The following RYR3 variants were observed in gnomAD, a reference collection of about 807,000 sequenced individuals.
RYR3 encodes brain ryanodine receptor-calcium release channel.
RYR3 carries 207 observed loss-of-function variants against 584.3 expected under a neutral mutation model. The observed-to-expected ratio is 0.35, with a 90% CI of 0.32 to 0.40. RYR3 has a LOEUF of 0.40. RYR3 is among the 10% of genes least tolerant of loss of function. The pLI, the probability that RYR3 is intolerant of heterozygous loss-of-function variation, is 1.00. For missense variants in RYR3, 5,616 were observed against 6,089.2 expected, an observed-to-expected ratio of 0.92 and a Z score of 2.59; for synonymous variants, 2,416 against 2,248.5, an observed-to-expected ratio of 1.07 and a Z score of -2.11.
Position 33,631,215 on chromosome 15 carries a change from T to C in RYR3, c.2789T>C (p.Leu930Pro). The C allele has an allele frequency of 1.3e-6, 2 of 1,580,846 alleles. No homozygotes were observed. Among genetic ancestry groups the C allele is most frequent in the East Asian group, 2.3e-5 (1 of 43,726 alleles). Residue 930 changes from leucine to proline, a missense_variant, in exon 23 of 104, where the codon CTC (leucine) becomes CCC (proline). Around this residue, in one of 9 missense-constraint regions of RYR3, gnomAD observed 1,284 missense variants for 1,344.6 expected, o/e 0.95. Coordinates refer to ENST00000634891, the MANE Select transcript of RYR3 (RefSeq NM_001036.6). ...CTCCTTCTGTTGTGTCACAGAACCC[T>C]CTTGGCCCTGGGGTGCCACATTGCT... Reference protein sequence around the residue: ...LQMSTETLKTLLALGCHIAHV... With the variant: ...LQMSTETLKTPLALGCHIAHV...
intron 1 of RYR3, among the ~76,000 whole-genome samples, chr15:33,435,799 G>C (rs746586840): frequency 6.6e-6 from 1 of 152,108 alleles, no homozygotes; most frequent in Non-Finnish European, 1.5e-5. Flanking sequence ...TGGACCCAAA[G>C]AGTGAGCAGC....
chr15:33,424,573 G>A (rs1470637707), intron 1 of RYR3, among the ~76,000 whole-genome samples: 1 of 152,132 alleles, frequency 6.6e-6, no homozygotes, highest in African/African-American at 2.4e-5. Flanking sequence ...ATAGCTCAGT[G>A]CATGCTCTCC....
intron 60 of RYR3, among the ~76,000 whole-genome samples, chr15:33,765,676 A>G (rs1250654571): frequency 6.6e-6 from 1 of 151,936 alleles, no homozygotes; most frequent in African/African-American, 2.4e-5. Flanking sequence ...TAAATAGTCT[A>G]AAAACGCTTT....
At chr15:33,460,940 C>CTTTTTTTTTTTTTT (rs66742049) in intron 1 of RYR3, among the ~76,000 whole-genome samples, 8,582 of 78,938 alleles carry the variant, frequency 0.11, 1,657 homozygotes, top group East Asian at 0.14. Context: ...TAATATCCAC[C>CTTTTTTTTTTTTTT]TTTTTTTTTT....
chr15:33,746,487 C>G (rs148527340), intron 53 of RYR3, among the ~76,000 whole-genome samples: 1 of 152,096 alleles, frequency 6.6e-6, no homozygotes, highest in Non-Finnish European at 1.5e-5. Flanking sequence ...GGAGAAGGCA[C>G]GGTGAAATTG....
chr15:33,643,591 A>G (rs2061947113), intron 27 of RYR3, among the ~76,000 whole-genome samples: 1 of 151,748 alleles, frequency 6.6e-6, no homozygotes, highest in Non-Finnish European at 1.5e-5. Flanking sequence ...GTGTTTGTAA[A>G]TTGTATTTTG....
Position 33,838,190 on chromosome 15 carries a change from T to C in RYR3, c.12210T>C (p.Phe4070=). 1 of 1,614,058 alleles carries C rather than the reference T, an allele frequency of 6.2e-7. No homozygotes were observed. Among genetic ancestry groups the C allele is most frequent in the Non-Finnish European group, 8.5e-7 (1 of 1,179,900 alleles). ...AGGAATCTAAGCGACAGTTCATTTT[T>C]GATGTTGTCAATGAAGGTGGGGAGC... ...QVKESKRQFI[F]DVVNEGGEQE... Residue 4070 remains phenylalanine, a synonymous_variant, in exon 89 of 104, where the codon TTT becomes TTC. Transcript: ENST00000634891.
chr15:33,639,611 A>G (rs1367051890), intron 27 of RYR3, among the ~76,000 whole-genome samples: 1 of 152,170 alleles, frequency 6.6e-6, no homozygotes. Context: ...TCTGGTCACC[A>G]GCATGTCAGC....
chr15:33,401,077 G>C (rs1245057089), intron 1 of RYR3, among the ~76,000 whole-genome samples: 1 of 152,182 alleles, frequency 6.6e-6, no homozygotes, highest in South Asian at 2.1e-4. Flanking sequence ...GGCCAAATAT[G>C]AGCGAATGCC....
rs117504029 is a variant in RYR3, at chr15:33,550,884, G to A, written c.972+568G>A. On this transcript the variant is annotated intron_variant, in intron 10 of 103. Transcript: ENST00000634891. ...GATAAAATTTACTAGTACCTTCCTC[G>A]TTCTTTTCCTTAACTATCCCTACTC... is the stretch of plus-strand genomic sequence containing the variant. 8.5e-3 allele frequency among the ~76,000 whole-genome samples: 1,289 copies of A among 152,116 alleles called. 9 individuals are homozygous for A. The highest frequency in any genetic ancestry group is 0.017 in the Admixed American group (264 of 15,288).
chr15:33,510,964 A>G (rs1019479026), intron 3 of RYR3, among the ~76,000 whole-genome samples: 1 of 152,176 alleles, frequency 6.6e-6, no homozygotes, highest in Non-Finnish European at 1.5e-5. Context: ...TGGCCTTTTG[A>G]TGACATGATT....
chr15:33,344,724 A>G (rs1433342550), intron 1 of RYR3, among the ~76,000 whole-genome samples: 1 of 152,336 alleles, frequency 6.6e-6, no homozygotes, highest in East Asian at 1.9e-4. Flanking sequence ...CTTAAAACAA[A>G]CAAGGCCTAC....
intron 48 of RYR3, among the ~76,000 whole-genome samples, chr15:33,732,109 C>T (rs970248382): frequency 1.3e-5 from 2 of 151,972 alleles, no homozygotes; most frequent in African/African-American, 2.4e-5. Context: ...CGGCTGGGCA[C>T]GGTGGCTCAC....
chr15:33,765,204 A>G (rs2072909162), intron 60 of RYR3, among the ~76,000 whole-genome samples: 3 of 152,146 alleles, frequency 2.0e-5, no homozygotes, highest in South Asian at 4.1e-4. Flanking sequence ...ATTAACAGAA[A>G]TGAGAAAAGA....
Position 33,810,510 on chromosome 15 carries a change from C to T in RYR3, c.10058C>T (p.Thr3353Ile). The T allele has an allele frequency of 1.9e-6, 3 of 1,614,012 alleles. No individual in the cohort carries two copies. Among genetic ancestry groups the T allele is most frequent in the Non-Finnish European group, 2.5e-6 (3 of 1,179,882 alleles). The part of the protein sequence containing the change: ...SGGQDQERKK[T>I]KRRGDLYSIQ... ...GGACAAGACCAGGAGCGGAAGAAGA[C>T]AAAGCGGCGGGGAGACTTGTATTCC... The change falls in exon 71 of 104, where the codon ACA becomes ATA. Residue 3353 changes from threonine to isoleucine, a missense_variant. By Grantham distance (89) the Thr-to-Ile change is moderately conservative. This residue lies in a region of RYR3 where 954 missense variants were observed against 1,132.2 expected (regional missense o/e 0.84). Coordinates refer to ENST00000634891, the MANE Select transcript of RYR3 (RefSeq NM_001036.6).
chr15:33,634,607 C>T lies in RYR3; in HGVS notation c.3049C>T (p.Pro1017Ser). The T allele has an allele frequency of 6.2e-7, 1 of 1,613,950 alleles. No homozygotes were observed. The highest frequency in any genetic ancestry group is 8.5e-7 in the Non-Finnish European group (1 of 1,179,868). ...IQQDLKNKRN[P>S]RLVPYALLDE... Reference sequence around the variant, plus strand: ...ATAGGATTTGAAGAACAAAAGAAATCCCCGTCTGGTGCCATATGCATTACT... The same window carrying T: ...ATAGGATTTGAAGAACAAAAGAAATTCCCGTCTGGTGCCATATGCATTACT... The change falls in exon 25 of 104, where the codon CCC becomes TCC. Residue 1017 changes from proline (P) to serine (S), a missense_variant. Pro to Ser is a moderately conservative substitution (Grantham distance 74). Transcript: ENST00000634891.
At chr15:33,636,077 C>A (rs914239409) in intron 26 of RYR3, among the ~76,000 whole-genome samples, 32 of 152,148 alleles carry the variant, frequency 2.1e-4, no homozygotes, top group Non-Finnish European at 5.9e-5. Flanking sequence ...TGACTCCACT[C>A]CAGAGGTGAC....
At position 33,631,253 on chromosome 15, in the gene RYR3, G is replaced by A. The variant is rs1376591460; in HGVS notation, c.2827G>A (p.Ala943Thr). ...LGCHIAHVNP[A>T]AEEDLKKVKL... ...GTGCCACATTGCTCATGTTAACCCA[G>A]CTGCTGAGGAGGATCTCAAGAAGGT... Residue 943 changes from alanine (A) to threonine (T), a missense_variant, in exon 23 of 104, where the codon GCT (alanine) becomes ACT (threonine). By Grantham distance (58) the Ala-to-Thr change is moderately conservative (BLOSUM62 0). Transcript: ENST00000634891. The A allele has an allele frequency of 6.3e-7, 1 of 1,591,706 alleles. No homozygotes were observed.
At position 33,724,099 on chromosome 15, in the gene RYR3, G is replaced by A. The variant is rs41279210; in HGVS notation, c.6835G>A (p.Val2279Met). ...GGACGATGAAGAGGAAGAAGAAATC[G>A]TGCATATGGGCAATGCAATTATGTC... The part of the protein sequence containing the change: ...TGDDEEEEEI[V>M]HMGNAIMSFY... Residue 2279 changes from valine to methionine, a missense_variant, in exon 45 of 104, where the codon GTG becomes ATG. Transcript: ENST00000634891. The A allele has an allele frequency of 8.4e-4, 1,346 of 1,611,934 alleles. 1 individual carries two copies. The highest frequency in any genetic ancestry group is 1.1e-3 in the Non-Finnish European group (1,252 of 1,178,156).
Sources: gnomAD v4.1 joint callset for allele counts (sites outside exome capture counted in the v4.1 genomes callset) on GRCh38, gnomAD v4.1.1 for gene constraint, gnomAD v4.1.1 regional missense constraint, MANE v1.5 for transcripts, NCBI Gene and HGNC (gene_info 2026-07-23, HGNC 2026-07-21) for gene names.